FOXP2: variants seen among roughly 807,000 people sequenced by gnomAD.
FOXP2 encodes forkhead box protein P2.
A neutral mutation model predicts 115.8 loss-of-function variants in FOXP2; 12 were observed. That is an observed-to-expected ratio of 0.10 (90% CI 0.07 to 0.17). FOXP2 has a LOEUF of 0.17. Ranked by LOEUF, FOXP2 falls within the 10% of genes least tolerant of loss-of-function variation. FOXP2 has a pLI of 1.00. For synonymous variants in FOXP2, 328 were observed against 297.7 expected (o/e 1.10, Z -1.05); for missense variants, 629 against 843.5 (o/e 0.75, Z 3.15).
chr7:114,120,109 T>TA (rs1173833209), intron 1 of FOXP2, among the ~76,000 whole-genome samples: 1 of 152,102 alleles, frequency 6.6e-6, no homozygotes, highest in Non-Finnish European at 1.5e-5. Context: ...ATGAGATAAG[T>TA]AGGTGGATGA....
chr7:114,248,452 A>G (rs1228750233), intron 1 of FOXP2, among the ~76,000 whole-genome samples: 1 of 152,166 alleles, frequency 6.6e-6, no homozygotes, highest in African/African-American at 2.4e-5. Context: ...ACAATGAGAG[A>G]AAAACAATTT....
intron 1 of FOXP2, among the ~76,000 whole-genome samples, chr7:114,173,427 G>T (rs1233915524): frequency 2.0e-5 from 3 of 147,846 alleles, no homozygotes; most frequent in African/African-American, 7.5e-5. Flanking sequence ...CATATTTTCA[G>T]GTGGTTAATT....
chr7:114,606,724 A>G (rs1026995193), intron 3 of FOXP2, among the ~76,000 whole-genome samples: 1 of 152,172 alleles, frequency 6.6e-6, no homozygotes, highest in African/African-American at 2.4e-5. Flanking sequence ...AAATAAAGCC[A>G]TAGAGGTGGT....
At chr7:114,456,863 C>A (rs1795331326) in intron 2 of FOXP2, among the ~76,000 whole-genome samples, 1 of 151,694 alleles carries the variant, frequency 6.6e-6, no homozygotes, top group South Asian at 2.1e-4. Context: ...GAAATCCTGC[C>A]ATTTTGGAAC....
At chr7:114,532,729 C>G (rs185061236) in intron 2 of FOXP2, among the ~76,000 whole-genome samples, 9 of 150,688 alleles carry the variant, frequency 6.0e-5, no homozygotes, top group African/African-American at 1.9e-4. Flanking sequence ...TAAATTAAGG[C>G]AACAGGTATA....
intron 1 of FOXP2, among the ~76,000 whole-genome samples, chr7:114,144,069 C>T (rs1792297657): frequency 6.6e-6 from 1 of 152,036 alleles, no homozygotes; most frequent in African/African-American, 2.4e-5. Context: ...ATAAAACAGA[C>T]TCAGGGTTAG....
At chr7:114,243,185 C>G (rs1470969784) in intron 1 of FOXP2, among the ~76,000 whole-genome samples, 2 of 147,616 alleles carry the variant, frequency 1.4e-5, no homozygotes, top group Non-Finnish European at 3.0e-5. Context: ...AGGCTTTGGT[C>G]ATGACTCATC....
Position 114,240,967 on chromosome 7 carries a change from A to G in FOXP2, c.-101-47052A>G, listed in dbSNP as rs191548950. On this transcript the variant is annotated intron_variant, in intron 1 of 17. Coordinates refer to the FOXP2 transcript ENST00000634411. Reference sequence around the variant, plus strand: ...GTTGATAACACTTTTATTTTTTTGTATTAATCATATAAAGATGTCAAGTAT... The same window carrying G: ...GTTGATAACACTTTTATTTTTTTGTGTTAATCATATAAAGATGTCAAGTAT... Among the ~76,000 whole-genome samples the G allele has an allele frequency of 4.1e-3, 618 of 152,066 alleles. 7 individuals are homozygous for G. Among genetic ancestry groups the G allele is most frequent in the African/African-American group, 0.014 (595 of 41,536 alleles).
intron 8 of FOXP2, among the ~76,000 whole-genome samples, chr7:114,646,718 G>T (rs1362267107): frequency 6.6e-6 from 1 of 151,940 alleles, no homozygotes; most frequent in Non-Finnish European, 1.5e-5. Flanking sequence ...TGACCGAAGT[G>T]AAATATCGAT....
chr7:114,268,673 G>C (rs867791302), intron 1 of FOXP2, among the ~76,000 whole-genome samples: 5 of 150,986 alleles, frequency 3.3e-5, no homozygotes, highest in African/African-American at 1.2e-4. Flanking sequence ...TACTCACTCT[G>C]ACGATTGGTG....
chr7:114,541,970 T>C (rs1011646928), intron 3 of FOXP2, among the ~76,000 whole-genome samples: 1 of 151,994 alleles, frequency 6.6e-6, no homozygotes. Context: ...ACAAGCTAAA[T>C]TGAATGACAA....
chr7:114,489,181 A>G (rs1475286681), intron 2 of FOXP2, among the ~76,000 whole-genome samples: 4 of 152,136 alleles, frequency 2.6e-5, no homozygotes, highest in African/African-American at 9.7e-5. Context: ...TAAGACATAT[A>G]TCTTTTTGTA....
At chr7:114,191,141 C>T (rs1392105893) in intron 1 of FOXP2, among the ~76,000 whole-genome samples, 2 of 152,158 alleles carry the variant, frequency 1.3e-5, no homozygotes, top group Admixed American at 1.3e-4. Flanking sequence ...TTGTCTTCCT[C>T]TTGAACTTTC....
chr7:114,237,143 C>A lies in FOXP2; in HGVS notation c.-101-50876C>A, dbSNP rs1795029930. Among the ~76,000 whole-genome samples, 6 of 152,142 alleles carry A rather than the reference C, an allele frequency of 3.9e-5. No homozygotes were observed. The South Asian group carries it at 1.2e-3, about 32-fold the overall frequency. ...GTTTGTTTAATAGACAATAAGGATA[C>A]AAATATATATTTATACATAAATAAA... On this transcript the variant is annotated intron_variant, in intron 1 of 17. Transcript: ENST00000634411.
chr7:114,182,819 A>G (rs1584529444), intron 1 of FOXP2, among the ~76,000 whole-genome samples: 1 of 152,278 alleles, frequency 6.6e-6, no homozygotes, highest in East Asian at 1.9e-4. Context: ...TTGATTAGGA[A>G]AAATGATTAT....
At chr7:114,537,925 T>C (rs931994716) in intron 3 of FOXP2, among the ~76,000 whole-genome samples, 7 of 151,682 alleles carry the variant, frequency 4.6e-5, no homozygotes, top group Non-Finnish European at 1.5e-5. Context: ...ATGTTTCTGC[T>C]TTACATTCTT....
chr7:114,427,188 C>T (rs540128489), intron 2 of FOXP2, among the ~76,000 whole-genome samples: 1 of 151,728 alleles, frequency 6.6e-6, no homozygotes, highest in African/African-American at 2.4e-5. Context: ...GTAAACACTA[C>T]GATCTGTTGC....
intron 3 of FOXP2, among the ~76,000 whole-genome samples, chr7:114,535,023 T>A (rs1037836599): frequency 7.3e-5 from 11 of 151,690 alleles, no homozygotes; most frequent in Non-Finnish European, 1.3e-4. Flanking sequence ...AATGTAAAAT[T>A]TTTTTCTTAA....
chr7:114,173,942 C>T (rs1266088125), intron 1 of FOXP2, among the ~76,000 whole-genome samples: 3 of 151,704 alleles, frequency 2.0e-5, no homozygotes, highest in Non-Finnish European at 4.4e-5. Flanking sequence ...CAAATGTTTG[C>T]TCTGCCAGTT....
Sources: gnomAD v4.1 joint callset for allele counts (sites outside exome capture counted in the v4.1 genomes callset) on GRCh38, gnomAD v4.1.1 for gene constraint, MANE v1.5 for transcripts, NCBI Gene and HGNC (gene_info 2026-07-23, HGNC 2026-07-21) for gene names.